SAMD3: variants seen among roughly 807,000 people sequenced by gnomAD.
The protein encoded by SAMD3 is sterile alpha motif domain-containing protein 3.
In SAMD3, 63 loss-of-function variants were observed where a neutral mutation model predicts 58.5. The ratio of observed to expected loss-of-function variants is 1.08; its 90% CI spans 0.88 to 1.33. The LOEUF (loss-of-function observed/expected upper bound fraction) is 1.33, where lower values mean the gene tolerates loss of function less well. Among genes scored for constraint, SAMD3 ranks in the 40% most tolerant of loss-of-function variants. The probability of loss-of-function intolerance (pLI) is 0.00; values close to 1 mark genes in which losing one functional copy is unlikely to be tolerated. For missense variants in SAMD3, 604 were observed against 608.4 expected (o/e 0.99, Z 0.08); for synonymous variants, 220 against 210.3 (o/e 1.05, Z -0.40).
intron 2 of SAMD3, among the ~76,000 whole-genome samples, chr6:130,254,732 T>A (rs2114914345): frequency 6.6e-6 from 1 of 152,358 alleles, no homozygotes; most frequent in East Asian, 1.9e-4. Context: ...TCTTGTGATA[T>A]CTTTGTCTGG....
intron 1 of SAMD3, among the ~76,000 whole-genome samples, chr6:130,339,995 G>A (rs1393991803): frequency 1.3e-5 from 2 of 152,082 alleles, no homozygotes; most frequent in African/African-American, 4.8e-5. Flanking sequence ...TATTGCCATA[G>A]GTTCCCTCAG....
intron 9 of SAMD3, among the ~76,000 whole-genome samples, chr6:130,149,143 CTT>C (rs906392977): frequency 6.6e-6 from 1 of 152,192 alleles, no homozygotes; most frequent in Non-Finnish European, 1.5e-5. Flanking sequence ...TTCTAACTCT[CTT>C]CAACAGTGAG....
chr6:130,214,995 A>G (rs1277986394), intron 3 of SAMD3, among the ~76,000 whole-genome samples, 200 bp downstream of exon 3: 2 of 152,192 alleles, frequency 1.3e-5, no homozygotes, highest in Non-Finnish European at 2.9e-5. Flanking sequence ...TTAAAATATT[A>G]TATTCTCTTG....
chr6:130,359,469 A>G (rs1016359124), intron 1 of SAMD3, among the ~76,000 whole-genome samples: 8 of 152,132 alleles, frequency 5.3e-5, no homozygotes, highest in African/African-American at 1.9e-4. Context: ...ATTCTGTTAC[A>G]TCCTTGTCTA....
In SAMD3 at chr6:130,206,043, G is replaced by C. The variant is rs560750480; in HGVS notation, c.383+3452C>G. Among the ~76,000 whole-genome samples, 20 of 152,310 alleles carry C rather than the reference G, an allele frequency of 1.3e-4. 1 individual carries two copies. The highest frequency in any genetic ancestry group is 1.4e-4 in the African/African-American group (6 of 41,578). On this transcript the variant is annotated intron_variant, in intron 5 of 11. Transcript: ENST00000439090. ...CCACCATCTGAGATAGGACATTGGA[G>C]GGGAGAGAATCTTCTGCCCCATCTC...
At chr6:130,278,597 G>T (rs572397654) in intron 2 of SAMD3, among the ~76,000 whole-genome samples, 1 of 152,074 alleles carries the variant, frequency 6.6e-6, no homozygotes, top group African/African-American at 2.4e-5. Flanking sequence ...TTTTAGTCCT[G>T]TCAAAATTGA....
At chr6:130,297,547 G>A (rs917626804) in intron 2 of SAMD3, among the ~76,000 whole-genome samples, 1 of 152,130 alleles carries the variant, frequency 6.6e-6, no homozygotes, top group Admixed American at 6.5e-5. Flanking sequence ...AAATTGAAAA[G>A]TTTGAAATGA....
chr6:130,209,646 G>T, intron 4 of SAMD3, 38 bp from the exon 5 acceptor site: 1 of 1,305,870 alleles, frequency 7.7e-7, no homozygotes, highest in Non-Finnish European at 1.1e-6. Flanking sequence ...TATTCAAGAG[G>T]TGATATGACC....
intron 2 of SAMD3, among the ~76,000 whole-genome samples, chr6:130,232,972 C>T (rs1018697975): frequency 2.0e-5 from 3 of 152,254 alleles, no homozygotes; most frequent in East Asian, 1.9e-4. Context: ...ATGCGTGACA[C>T]GAGCTGAGAT....
At chr6:130,246,780 T>C (rs1773561246) in intron 2 of SAMD3, among the ~76,000 whole-genome samples, 1 of 151,988 alleles carries the variant, frequency 6.6e-6, no homozygotes, top group African/African-American at 2.4e-5. Flanking sequence ...TCCCAGCTAC[T>C]TGGGTGGCTA....
intron 1 of SAMD3, among the ~76,000 whole-genome samples, chr6:130,345,978 C>T (rs1777436780): frequency 6.6e-6 from 1 of 152,208 alleles, no homozygotes; most frequent in Non-Finnish European, 1.5e-5. Flanking sequence ...GGGTAAAAAG[C>T]ACACTAGGTT....
intron 1 of SAMD3, among the ~76,000 whole-genome samples, chr6:130,318,497 C>T (rs865813712): frequency 2.0e-5 from 3 of 151,012 alleles, no homozygotes; most frequent in Admixed American, 6.6e-5. Context: ...GGTGAGATCT[C>T]GGCTCACTGC....
rs185357621 is a variant in SAMD3 at position 130,248,787 on chromosome 6, T to A, written c.-187-25974A>T. On this transcript the variant is annotated intron_variant, in intron 2 of 13. Transcript: ENST00000368134. The stretch of plus-strand genomic sequence containing the variant: ...ACGGAGAGAAGGTTTCAAGAAAGGA[T>A]CTATGCTCCATTTATAAGCAGTTTG... Among the ~76,000 whole-genome samples, 524 of 152,196 alleles carry A rather than the reference T, an allele frequency of 3.4e-3. 4 individuals carry two copies. Among genetic ancestry groups the A allele is most frequent in the Non-Finnish European group, 5.1e-3 (348 of 68,008 alleles).
At position 130,178,428 on chromosome 6, in the gene SAMD3, G is replaced by T. The variant is rs184598231; in HGVS notation, c.655-2420C>A. On this transcript the variant is annotated intron_variant, in intron 7 of 11. Coordinates refer to ENST00000439090, the MANE Select transcript of SAMD3 (RefSeq NM_001017373.4). The stretch of plus-strand genomic sequence containing the variant: ...AGGCATATGGGCCTGTGTTTCCCTC[G>T]AGCCCTGGCCAAGAGAGAAAGTGGT... Among the ~76,000 whole-genome samples the T allele has an allele frequency of 6.5e-4, 99 of 151,496 alleles. No homozygotes were observed. In the East Asian group the frequency reaches 0.013, roughly 20 times the overall value.
chr6:130,251,532 T>A (rs1773738042), intron 2 of SAMD3, among the ~76,000 whole-genome samples: 1 of 152,218 alleles, frequency 6.6e-6, no homozygotes, highest in African/African-American at 2.4e-5. Flanking sequence ...AGGTCTTTTA[T>A]CTATGTCAGA....
chr6:130,274,328 C>A (rs1774694226), intron 2 of SAMD3, among the ~76,000 whole-genome samples: 1 of 152,072 alleles, frequency 6.6e-6, no homozygotes, highest in Non-Finnish European at 1.5e-5. Flanking sequence ...CCTTTTCTTG[C>A]TTATAATTTT....
intron 5 of SAMD3, 150 bp from the exon 6 acceptor site, chr6:130,184,773 A>C (rs1365342413): frequency 3.2e-5 from 19 of 601,786 alleles, no homozygotes; most frequent in Non-Finnish European, 5.1e-5. Flanking sequence ...CCATTCATCC[A>C]TCCACAAATG....
chr6:130,304,926 C>CTTTTTTTTTTT (rs777084920), intron 2 of SAMD3, among the ~76,000 whole-genome samples: 2 of 103,376 alleles, frequency 1.9e-5, no homozygotes, highest in African/African-American at 4.0e-5. Flanking sequence ...CATTTTCTTC[C>CTTTTTTTTTTT]TTTTTTTTTT....
chr6:130,304,284 C>T (rs1775842074), intron 2 of SAMD3, among the ~76,000 whole-genome samples: 1 of 152,164 alleles, frequency 6.6e-6, no homozygotes, highest in Admixed American at 6.5e-5. Flanking sequence ...ATTCTCCTGC[C>T]TCAGCCTCCT....
Sources: allele counts gnomAD v4.1 joint callset (sites outside exome capture counted in the v4.1 genomes callset), GRCh38; gene constraint gnomAD v4.1.1; transcripts MANE v1.5; gene names NCBI Gene and HGNC (gene_info 2026-07-23, HGNC 2026-07-21).